SERPINB12: variants seen among roughly 807,000 people sequenced by gnomAD.
SERPINB12 encodes serpin family B member 12.
Under a neutral mutation model 41.1 loss-of-function variants are expected in SERPINB12, and 57 were observed. That is an observed-to-expected ratio of 1.39 (90% confidence interval 1.12 to 1.73). The LOEUF (loss-of-function observed/expected upper bound fraction) is 1.73. Among genes scored for constraint, SERPINB12 ranks in the 40% most tolerant of loss-of-function variants. The pLI, the probability that SERPINB12 is intolerant of heterozygous loss-of-function variation, is 0.00. For missense variants in SERPINB12, 536 were observed against 501.9 expected, an observed-to-expected ratio of 1.07 and a Z score of -0.65; for synonymous variants, 180 against 181.3, an observed-to-expected ratio of 0.99 and a Z score of 0.06.
At chr18:63,526,293 A>G in the SERPINB12 span, among the ~76,000 whole-genome samples, 1 of 152,050 alleles carries the variant, frequency 6.6e-6, no homozygotes, top group Non-Finnish European at 1.5e-5. Context: ...CTTTTTATTT[A>G]TTTATTTACT....
Position 63,568,338 on chromosome 18 carries a change from G to A in SERPINB12, c.*1327G>A, listed in dbSNP as rs144337735. The stretch of plus-strand genomic sequence containing the variant: ...GGAGGCTGCAGTAAGCTGAGATGGC[G>A]CCACTGCACTCCAGCCTGGGTGACA... On this transcript the variant is annotated 3_prime_UTR_variant, in exon 8 of 8. Transcript: ENST00000382768. Among the ~76,000 whole-genome samples the A allele has an allele frequency of 0.026, 4,008 of 152,192 alleles. 88 individuals carry two copies. The highest frequency in any genetic ancestry group is 0.054 in the Middle Eastern group (16 of 294).
intron 6 of SERPINB12, 67 bp from the exon 7 acceptor site, chr18:63,565,378 G>T (rs1015442867): frequency 3.4e-6 from 5 of 1,462,200 alleles, no homozygotes; most frequent in Non-Finnish European, 4.7e-6. Context: ...CCTCCGTGAA[G>T]CTGGGGCCAT....
upstream of SERPINB12, among the ~76,000 whole-genome samples, chr18:63,541,016 T>G (rs1463309897): frequency 6.6e-6 from 1 of 152,198 alleles, no homozygotes; most frequent in African/African-American, 2.4e-5. Context: ...TTTCAGTATT[T>G]TTAATATTGA....
intron 1 of SERPINB12, among the ~76,000 whole-genome samples, chr18:63,543,155 A>C (rs1910310185): frequency 6.6e-6 from 1 of 152,196 alleles, no homozygotes. Context: ...TTAGGAATGA[A>C]TGAGATAATG....
the SERPINB12 span, among the ~76,000 whole-genome samples, chr18:63,536,236 T>A: frequency 2.6e-5 from 4 of 151,838 alleles, no homozygotes; most frequent in East Asian, 7.7e-4. Flanking sequence ...AAAATTAAAA[T>A]CATACGTTTT....
the SERPINB12 span, among the ~76,000 whole-genome samples, chr18:63,535,852 CAT>C: frequency 2.0e-5 from 3 of 152,002 alleles, no homozygotes; most frequent in Non-Finnish European, 4.4e-5. Context: ...TACACACACA[CAT>C]ATATACACAC....
At position 63,553,833 on chromosome 18, in the gene SERPINB12, T is replaced by C. The variant is rs2144327884; in HGVS notation, c.-18-2309T>C. Among the ~76,000 whole-genome samples the C allele has an allele frequency of 2.0e-5, 3 of 152,240 alleles. No homozygotes were observed. The Middle Eastern group carries it at 0.01, about 518-fold the overall frequency. ...TTGTTACTAGATGGGTAATGTGAGC[T>C]ATGTGTAGAGAAAATCTGTTGGACA... is the stretch of plus-strand genomic sequence containing the variant. On this transcript the variant is annotated intron_variant, in intron 1 of 7. Transcript: ENST00000382768.
chr18:63,532,402 T>A, the SERPINB12 span, among the ~76,000 whole-genome samples: 6 of 152,208 alleles, frequency 3.9e-5, no homozygotes, highest in Admixed American at 3.9e-4. Context: ...CACCAGCTAG[T>A]TGACATCTTC....
chr18:63,544,683 G>C (rs922201706), intron 1 of SERPINB12, among the ~76,000 whole-genome samples: 1 of 152,198 alleles, frequency 6.6e-6, no homozygotes, highest in East Asian at 1.9e-4. Flanking sequence ...AAAGAACTAA[G>C]GGCTTTGGAT....
chr18:63,566,192 C>A (rs964783680), intron 7 of SERPINB12, among the ~76,000 whole-genome samples: 7 of 152,174 alleles, frequency 4.6e-5, no homozygotes, highest in Non-Finnish European at 4.4e-5. Context: ...CAATAACAAC[C>A]ATTATTCAGA....
rs144275600 is a variant in SERPINB12, at chr18:63,558,366, C to G, written c.183C>G (p.Asn61Lys). The change falls in exon 3 of 8, where the codon AAC becomes AAG. Residue 61 changes from asparagine to lysine, a missense_variant. Asn to Lys is a moderately conservative substitution (Grantham distance 94). Coordinates refer to ENST00000382768, the MANE Select transcript of SERPINB12 (RefSeq NM_001307928.2). Reference protein sequence around the residue: ...AHQIDEVLHFNEFSQNESKEP... With the variant: ...AHQIDEVLHFKEFSQNESKEP... ...TTATCATGCAGGTACTACACTTCAA[C>G]GAATTTTCCCAGAATGAAAGCAAAG... 1.9e-6 allele frequency: 3 copies of G among 1,613,572 alleles called. No homozygotes were observed. The East Asian group carries it at 6.7e-5, about 36-fold the overall frequency.
the SERPINB12 span, among the ~76,000 whole-genome samples, chr18:63,527,082 ATGT>A: frequency 6.6e-6 from 1 of 152,176 alleles, no homozygotes; most frequent in African/African-American, 2.4e-5. Context: ...GTTGACTGAA[ATGT>A]TGTTATGCGG....
At chr18:63,535,422 T>A in the SERPINB12 span, among the ~76,000 whole-genome samples, 5 of 151,952 alleles carry the variant, frequency 3.3e-5, no homozygotes, top group African/African-American at 1.2e-4. Context: ...TTGCCAAAAA[T>A]GCGTAACTCG....
chr18:63,524,369 A>C, the SERPINB12 span, among the ~76,000 whole-genome samples: 2 of 152,048 alleles, frequency 1.3e-5, no homozygotes, highest in African/African-American at 4.8e-5. Flanking sequence ...AGCTGACTGC[A>C]ACCTCTGCCT....
intron 1 of SERPINB12, among the ~76,000 whole-genome samples, chr18:63,547,936 T>C (rs560618616): frequency 1.3e-5 from 2 of 152,298 alleles, no homozygotes; most frequent in African/African-American, 4.8e-5. Context: ...AATCAATCCA[T>C]AAATATTATG....
chr18:63,561,727 A>G (rs997064181), intron 5 of SERPINB12, among the ~76,000 whole-genome samples: 1 of 152,272 alleles, frequency 6.6e-6, no homozygotes, highest in South Asian at 2.1e-4. Context: ...GAATGAAATC[A>G]TGTCCTTTGC....
At chr18:63,566,220 A>G (rs1911092530) in intron 7 of SERPINB12, among the ~76,000 whole-genome samples, 1 of 152,254 alleles carries the variant, frequency 6.6e-6, no homozygotes, top group African/African-American at 2.4e-5. Context: ...ATGTGCTATC[A>G]CTGTGTTAAG....
chr18:63,537,495 G>A (rs915846607), upstream of SERPINB12, among the ~76,000 whole-genome samples: 2 of 152,140 alleles, frequency 1.3e-5, no homozygotes, highest in Non-Finnish European at 2.9e-5. Flanking sequence ...TGATAGAGTT[G>A]GAACAGTTTT....
rs1373651454 is a variant in SERPINB12, at chr18:63,564,030, G to T, written c.615G>T (p.Leu205=). 2 of 1,613,958 alleles carry T rather than the reference G, an allele frequency of 1.2e-6. No homozygotes were observed. Among genetic ancestry groups the T allele is most frequent in the Non-Finnish European group, 1.7e-6 (2 of 1,179,906 alleles). Reference sequence around the variant, plus strand: ...ACGCTATTAATGCTGAGACTGTGCTGGTACTGGTGAATGCTGTTTACTTCA... The same window carrying T: ...ACGCTATTAATGCTGAGACTGTGCTTGTACTGGTGAATGCTGTTTACTTCA... ...SKDAINAETV[L]VLVNAVYFKA... The change falls in exon 6 of 8, where the codon CTG becomes CTT. Residue 205 remains leucine (L), a synonymous_variant. Coordinates refer to ENST00000382768, the MANE Select transcript of SERPINB12 (RefSeq NM_001307928.2).
Sources: gnomAD v4.1 joint callset for allele counts (sites outside exome capture counted in the v4.1 genomes callset) on GRCh38, gnomAD v4.1.1 for gene constraint, MANE v1.5 for transcripts, NCBI Gene and HGNC (gene_info 2026-07-23, HGNC 2026-07-21) for gene names.